RBFOX1: variants seen among roughly 807,000 people sequenced by gnomAD.
RBFOX1 encodes RNA binding protein fox-1 homolog 1.
A neutral mutation model predicts 57.7 loss-of-function variants in RBFOX1; 8 were observed. The ratio of observed to expected loss-of-function variants is 0.14; its 90% CI spans 0.08 to 0.25. The LOEUF is 0.25. Ranked by LOEUF, RBFOX1 falls within the 10% of genes least tolerant of loss-of-function variation. The pLI is 1.00. For missense variants in RBFOX1, 611 were observed against 548.5 expected (o/e 1.11, Z -1.14); for synonymous variants, 326 against 222.4 (o/e 1.47, Z -4.15).
chr16:6,150,581 G>C lies in RBFOX1; in HGVS notation c.-127+130589G>C, dbSNP rs545075404. 2.0e-5 allele frequency among the ~76,000 whole-genome samples: 3 copies of C among 152,242 alleles called. No homozygotes were observed. In the South Asian group the frequency reaches 6.2e-4, roughly 32 times the overall value. Reference sequence around the variant, plus strand: ...CTTGCAAGGCCAACATCACAGAGAGGTGTTATTCCTGTCCCCCTTTATTTT... The same window carrying C: ...CTTGCAAGGCCAACATCACAGAGAGCTGTTATTCCTGTCCCCCTTTATTTT... On this transcript the variant is annotated intron_variant, in intron 1 of 15. Transcript: ENST00000550418.
At chr16:6,241,642 A>G (rs1261382348) in intron 1 of RBFOX1, among the ~76,000 whole-genome samples, 2 of 152,218 alleles carry the variant, frequency 1.3e-5, no homozygotes, top group Non-Finnish European at 2.9e-5. Flanking sequence ...AGTTGCAACT[A>G]CAGGGTGGCC....
chr16:6,064,544 A>T (rs1398868123), intron 1 of RBFOX1, among the ~76,000 whole-genome samples: 7 of 151,588 alleles, frequency 4.6e-5, no homozygotes, highest in Non-Finnish European at 8.8e-5. Context: ...TCTTTTTTTT[A>T]TTATTATTAT....
chr16:6,957,110 T>TTTTA (rs1555677710), intron 3 of RBFOX1, among the ~76,000 whole-genome samples: 1 of 123,814 alleles, frequency 8.1e-6, no homozygotes, highest in African/African-American at 3.2e-5. Flanking sequence ...ATTTTTTTAT[T>TTTTA]TTTATTTTTA....
chr16:7,201,451 TC>T (rs1436076631), intron 4 of RBFOX1, among the ~76,000 whole-genome samples: 3 of 106,508 alleles, frequency 2.8e-5, no homozygotes, highest in Admixed American at 8.2e-5. Context: ...ACGATCTGAT[TC>T]TTTTTTTTTT....
chr16:6,487,701 ATATATATAT>A (rs1364000425), intron 2 of RBFOX1, among the ~76,000 whole-genome samples: 27 of 4,492 alleles, frequency 6.0e-3, no homozygotes, highest in Non-Finnish European at 9.4e-3. Context: ...AAAAAAAAAA[ATATATATAT>A]ATATATATAT....
chr16:5,464,484 C>T (rs911958227), intron 1 of RBFOX1, among the ~76,000 whole-genome samples: 2 of 152,228 alleles, frequency 1.3e-5, no homozygotes, highest in Non-Finnish European at 2.9e-5. Context: ...GGACTAAGCT[C>T]TCTGGGTGGG....
chr16:5,885,147 G>C (rs1010208065), intron 4 of RBFOX1, among the ~76,000 whole-genome samples: 1 of 152,112 alleles, frequency 6.6e-6, no homozygotes, highest in Non-Finnish European at 1.5e-5. Flanking sequence ...TCCAAGGTAA[G>C]GGTGGCAGCT....
chr16:5,768,969 G>A (rs1039596178), intron 3 of RBFOX1, among the ~76,000 whole-genome samples: 1 of 152,044 alleles, frequency 6.6e-6, no homozygotes, highest in African/African-American at 2.4e-5. Context: ...CAGTGGGATA[G>A]AGAAGAAGTC....
At chr16:5,386,652 C>T (rs1212054830) in intron 1 of RBFOX1, among the ~76,000 whole-genome samples, 3 of 152,104 alleles carry the variant, frequency 2.0e-5, no homozygotes, top group African/African-American at 7.2e-5. Flanking sequence ...CTCTTTTCAC[C>T]TTTACCCCCG....
intron 3 of RBFOX1, among the ~76,000 whole-genome samples, chr16:6,948,375 CTTTTTTTTTTTTTTTTT>C (rs968186299): frequency 3.1e-4 from 21 of 67,970 alleles, no homozygotes; most frequent in African/African-American, 1.3e-3. Flanking sequence ...TTCTCCCTTT[CTTTTTTTTTTTTTTTTT>C]TTTTTTTTTT....
intron 3 of RBFOX1, among the ~76,000 whole-genome samples, chr16:5,665,491 T>C (rs2049812067): frequency 6.6e-6 from 1 of 152,158 alleles, no homozygotes; most frequent in Non-Finnish European, 1.5e-5. Context: ...TTTTTTGCAT[T>C]TCTTGAAATA....
intron 3 of RBFOX1, among the ~76,000 whole-genome samples, chr16:6,910,769 C>T (rs1007520003): frequency 3.3e-5 from 5 of 152,200 alleles, no homozygotes; most frequent in African/African-American, 1.2e-4. Flanking sequence ...CACAGCAAAA[C>T]CATCAGATCC....
intron 1 of RBFOX1, among the ~76,000 whole-genome samples, chr16:5,433,598 A>G (rs959662179): frequency 6.6e-6 from 1 of 152,204 alleles, no homozygotes; most frequent in Non-Finnish European, 1.5e-5. Context: ...TAAAAATAGC[A>G]TCTATTTTAT....
chr16:7,350,511 G>A (rs1381534126), intron 4 of RBFOX1, among the ~76,000 whole-genome samples: 1 of 152,160 alleles, frequency 6.6e-6, no homozygotes. Context: ...TTTCAAGTAG[G>A]AGAACACTAT....
chr16:5,989,849 C>CAG (rs1294306362), intron 4 of RBFOX1, among the ~76,000 whole-genome samples: 1 of 99,190 alleles, frequency 1.0e-5, no homozygotes, highest in African/African-American at 3.8e-5. Flanking sequence ...CCCTAACACA[C>CAG]ACACACACAC....
intron 3 of RBFOX1, among the ~76,000 whole-genome samples, chr16:7,008,602 A>G (rs1434738468): frequency 6.8e-6 from 1 of 148,094 alleles, no homozygotes; most frequent in Non-Finnish European, 1.5e-5. Context: ...GTTGATAGCT[A>G]TAAAAATGAA....
At chr16:5,972,174 C>T (rs940597069) in intron 4 of RBFOX1, among the ~76,000 whole-genome samples, 19 of 152,268 alleles carry the variant, frequency 1.2e-4, no homozygotes, top group African/African-American at 3.9e-4. Flanking sequence ...TGAGCCAATT[C>T]CTTATGATAA....
intron 1 of RBFOX1, among the ~76,000 whole-genome samples, chr16:5,390,618 A>G (rs2066381724): frequency 6.6e-6 from 1 of 152,156 alleles, no homozygotes; most frequent in Non-Finnish European, 1.5e-5. Context: ...GTCACAATAT[A>G]TCATGGATGC....
intron 3 of RBFOX1, among the ~76,000 whole-genome samples, chr16:5,778,492 G>A (rs1330990944): frequency 1.3e-5 from 2 of 152,200 alleles, no homozygotes; most frequent in African/African-American, 4.8e-5. Context: ...GTGGGAACCA[G>A]GGGACATCTC....
Sources: allele counts gnomAD v4.1 joint callset (sites outside exome capture counted in the v4.1 genomes callset), GRCh38; gene constraint gnomAD v4.1.1; transcripts MANE v1.5; gene names NCBI Gene and HGNC (gene_info 2026-07-23, HGNC 2026-07-21).